The following CNTN5 variants were observed in gnomAD, a reference collection of about 807,000 sequenced individuals.
The protein encoded by CNTN5 is contactin 5.
A neutral mutation model predicts 129.1 loss-of-function variants in CNTN5; 77 were observed. The observed-to-expected ratio is 0.60, with a 90% CI of 0.50 to 0.72. The LOEUF is 0.72. CNTN5 is among the 30% of genes least tolerant of loss of function. CNTN5 has a pLI of 0.00. For synonymous variants in CNTN5, 509 were observed against 465.6 expected, an observed-to-expected ratio of 1.09 and a Z score of -1.20; for missense variants, 1,478 against 1,328.8, an observed-to-expected ratio of 1.11 and a Z score of -1.75.
chr11:99,119,544 G>T (rs1469440402), intron 1 of CNTN5, among the ~76,000 whole-genome samples: 2 of 151,912 alleles, frequency 1.3e-5, no homozygotes, highest in Non-Finnish European at 2.9e-5. Context: ...CCATTTATGG[G>T]CATTCAGTTT....
At chr11:100,280,869 C>T (rs774204479) in intron 18 of CNTN5, among the ~76,000 whole-genome samples, 40 of 151,936 alleles carry the variant, frequency 2.6e-4, no homozygotes, top group Admixed American at 2.6e-4. Context: ...GAGGTTACCA[C>T]GAGGTTTGCA....
At chr11:99,978,938 A>G (rs943160608) in intron 8 of CNTN5, among the ~76,000 whole-genome samples, 1 of 152,190 alleles carries the variant, frequency 6.6e-6, no homozygotes. Flanking sequence ...GGTCAGGCAG[A>G]GAGCTTTTGA....
At chr11:100,319,507 T>C (rs1164866318) in intron 21 of CNTN5, among the ~76,000 whole-genome samples, 1 of 152,224 alleles carries the variant, frequency 6.6e-6, no homozygotes, top group Non-Finnish European at 1.5e-5. Context: ...GTACATGCTT[T>C]GAAGTATATA....
chr11:99,551,086 G>C (rs1234235729), intron 2 of CNTN5, among the ~76,000 whole-genome samples: 3 of 152,064 alleles, frequency 2.0e-5, no homozygotes, highest in African/African-American at 7.2e-5. Context: ...TATGTTTTTA[G>C]GCCACTTTAA....
chr11:99,155,839 A>G (rs997909197), intron 1 of CNTN5, among the ~76,000 whole-genome samples: 1 of 152,214 alleles, frequency 6.6e-6, no homozygotes, highest in African/African-American at 2.4e-5. Flanking sequence ...ATGAAGTGAC[A>G]CTTTAAATCA....
chr11:99,872,810 A>G (rs1381559064), intron 6 of CNTN5, among the ~76,000 whole-genome samples: 3 of 152,278 alleles, frequency 2.0e-5, no homozygotes, highest in Middle Eastern at 3.4e-3. Context: ...TTTATGTCTG[A>G]CATACTGTCC....
chr11:99,298,805 A>G (rs546246847), intron 1 of CNTN5, among the ~76,000 whole-genome samples: 98 of 152,170 alleles, frequency 6.4e-4, no homozygotes, highest in African/African-American at 2.2e-3. Context: ...GACCAGAAAC[A>G]TTCCAACCCT....
At chr11:99,452,741 G>A (rs1415906510) in intron 2 of CNTN5, among the ~76,000 whole-genome samples, 1 of 152,030 alleles carries the variant, frequency 6.6e-6, no homozygotes, top group Non-Finnish European at 1.5e-5. Flanking sequence ...ATAGTTCTAT[G>A]TACGAATAAG....
At chr11:99,366,508 T>C (rs1358934945) in intron 2 of CNTN5, among the ~76,000 whole-genome samples, 3 of 152,146 alleles carry the variant, frequency 2.0e-5, no homozygotes, top group African/African-American at 7.2e-5. Flanking sequence ...AAAGATGAAA[T>C]AGCAAATATT....
chr11:100,132,708 T>C (rs1946412614), intron 13 of CNTN5, among the ~76,000 whole-genome samples: 1 of 152,124 alleles, frequency 6.6e-6, no homozygotes, highest in African/African-American at 2.4e-5. Flanking sequence ...AATCCCCAAG[T>C]GTTTCATACG....
At chr11:99,466,269 C>G (rs966177680) in intron 2 of CNTN5, among the ~76,000 whole-genome samples, 1 of 152,154 alleles carries the variant, frequency 6.6e-6, no homozygotes, top group Non-Finnish European at 1.5e-5. Context: ...ATGACCCAAT[C>G]AATCACCTCT....
intron 1 of CNTN5, among the ~76,000 whole-genome samples, chr11:99,213,839 C>T (rs1859966758): frequency 6.6e-6 from 1 of 152,032 alleles, no homozygotes; most frequent in Non-Finnish European, 1.5e-5. Context: ...CTATCTTTTA[C>T]ATAATCCTAA....
At chr11:99,099,087 T>A (rs375085894) in intron 1 of CNTN5, among the ~76,000 whole-genome samples, 11 of 152,208 alleles carry the variant, frequency 7.2e-5, no homozygotes, top group East Asian at 5.8e-4. Context: ...AGCTGTGAAC[T>A]TAAGTAGAGA....
At chr11:99,177,804 G>T (rs1038037073) in intron 1 of CNTN5, among the ~76,000 whole-genome samples, 1 of 152,146 alleles carries the variant, frequency 6.6e-6, no homozygotes, top group Non-Finnish European at 1.5e-5. Context: ...AAAACAAAGT[G>T]CAGGATGCTA....
chr11:100,156,433 C>A (rs1022286779), intron 13 of CNTN5, among the ~76,000 whole-genome samples: 1 of 151,974 alleles, frequency 6.6e-6, no homozygotes, highest in Non-Finnish European at 1.5e-5. Flanking sequence ...TTCACATCGA[C>A]GTTCATCAGG....
chr11:99,970,363 T>C (rs1951216139), intron 8 of CNTN5, among the ~76,000 whole-genome samples: 1 of 152,106 alleles, frequency 6.6e-6, no homozygotes, highest in African/African-American at 2.4e-5. Flanking sequence ...TTCACAAGAG[T>C]GACATGATTA....
chr11:99,065,740 G>A (rs1361713173), intron 1 of CNTN5, among the ~76,000 whole-genome samples: 1 of 141,352 alleles, frequency 7.1e-6, no homozygotes, highest in African/African-American at 2.9e-5. Context: ...GGCCTCATTA[G>A]AGTTGATTCA....
At chr11:99,510,521 A>C (rs1246735351) in intron 2 of CNTN5, among the ~76,000 whole-genome samples, 1 of 152,204 alleles carries the variant, frequency 6.6e-6, no homozygotes, top group East Asian at 1.9e-4. Context: ...TATGTGCTTC[A>C]GAAAAGTACA....
chr11:99,474,541 G>A (rs1381385065), intron 2 of CNTN5, among the ~76,000 whole-genome samples: 1 of 151,892 alleles, frequency 6.6e-6, no homozygotes, highest in African/African-American at 2.4e-5. Context: ...TTTAAAATTT[G>A]ACAATTTATT....
Sources: gnomAD v4.1 joint callset for allele counts (sites outside exome capture counted in the v4.1 genomes callset) on GRCh38, gnomAD v4.1.1 for gene constraint, MANE v1.5 for transcripts, NCBI Gene and HGNC (gene_info 2026-07-23, HGNC 2026-07-21) for gene names.